The following MAGI3 variants were observed in gnomAD, a reference collection of about 807,000 sequenced individuals.
The protein encoded by MAGI3 is membrane-associated guanylate kinase, WW and PDZ domain-containing protein 3.
In MAGI3, 43 loss-of-function variants were observed where a neutral mutation model predicts 121.8. That is an observed-to-expected ratio of 0.35 (90% CI 0.28 to 0.46). MAGI3 has a LOEUF of 0.46. MAGI3 is among the 20% of genes least tolerant of loss of function. The pLI is 1.00. For missense variants in MAGI3, 1,547 were observed against 1,797.3 expected (o/e 0.86, Z 2.52); for synonymous variants, 553 against 639.3 (o/e 0.86, Z 2.04).
intron 6 of MAGI3, among the ~76,000 whole-genome samples, chr1:113,603,382 AG>A (rs1649528843): frequency 2.0e-5 from 3 of 152,084 alleles, no homozygotes; most frequent in Admixed American, 2.0e-4. Flanking sequence ...AACAACAAAA[AG>A]CCTGAGGCCA....
chr1:113,528,987 T>C (rs1319834158), intron 1 of MAGI3, among the ~76,000 whole-genome samples: 1 of 152,240 alleles, frequency 6.6e-6, no homozygotes, highest in African/African-American at 2.4e-5. Flanking sequence ...TTGTTTCTAC[T>C]TGTTTTCGGT....
chr1:113,442,551 ATG>A (rs1653968455), intron 1 of MAGI3, among the ~76,000 whole-genome samples: 1 of 151,994 alleles, frequency 6.6e-6, no homozygotes, highest in South Asian at 2.1e-4. Context: ...AAAAATATAT[ATG>A]TGTATATATA....
intron 2 of MAGI3, among the ~76,000 whole-genome samples, chr1:113,550,254 C>CAAAA (rs200738964): frequency 1.6e-4 from 22 of 136,936 alleles, no homozygotes; most frequent in African/African-American, 3.1e-4. Context: ...ACTAAAAATA[C>CAAAA]AAAAAAAAAA....
chr1:113,401,598 G>C lies in MAGI3; in HGVS notation c.316+10249G>C, dbSNP rs536877055. Among the ~76,000 whole-genome samples, 19 of 152,198 alleles carry C rather than the reference G, an allele frequency of 1.2e-4. 1 individual carries two copies. The East Asian group carries it at 3.7e-3, about 29-fold the overall frequency. On this transcript the variant is annotated intron_variant, in intron 1 of 20. Transcript: ENST00000307546. ...TAGGATAAATATACTTGGGAAAATT[G>C]CATATTAGAAATAATATTTTGTTCT...
intron 1 of MAGI3, among the ~76,000 whole-genome samples, chr1:113,487,386 A>G (rs1036934143): frequency 7.2e-5 from 11 of 152,224 alleles, no homozygotes; most frequent in African/African-American, 2.7e-4. Context: ...TGTGTATACA[A>G]TAATTTTAAC....
At chr1:113,419,781 G>A (rs1233873290) in intron 1 of MAGI3, among the ~76,000 whole-genome samples, 2 of 152,150 alleles carry the variant, frequency 1.3e-5, no homozygotes, top group African/African-American at 4.8e-5. Context: ...CAGTTCTGGA[G>A]GTCAGAGGTC....
intron 20 of MAGI3, chr1:113,682,533 C>A: frequency 8.0e-7 from 1 of 1,251,562 alleles, no homozygotes; most frequent in Non-Finnish European, 1.0e-6. Context: ...TAAACTGTAT[C>A]AATTCATAAT....
chr1:113,643,712 G>A, intron 10 of MAGI3, 31 bp from the exon 11 acceptor site: 1 of 1,610,978 alleles, frequency 6.2e-7, no homozygotes. Flanking sequence ...GCATCCTCTG[G>A]TTTTAAACTT....
intron 1 of MAGI3, among the ~76,000 whole-genome samples, chr1:113,516,857 T>C (rs1227662699): frequency 1.3e-5 from 2 of 152,018 alleles, no homozygotes; most frequent in Non-Finnish European, 2.9e-5. Flanking sequence ...AGTGTGTGTA[T>C]CCTTAACATG....
At position 113,391,356 on chromosome 1, in the gene MAGI3, C is replaced by T. The variant is rs1406141290; in HGVS notation, c.316+7C>T. The T allele has an allele frequency of 1.3e-6, 2 of 1,584,556 alleles. No homozygotes were observed. Among genetic ancestry groups the T allele is most frequent in the Admixed American group, 3.6e-5 (2 of 56,316 alleles). On this transcript the variant is annotated splice_region_variant and intron_variant, in intron 1 of 20. Coordinates refer to ENST00000307546, the MANE Select transcript of MAGI3 (RefSeq NM_001142782.2). The surrounding 1 kb of genome is among the most constrained non-coding windows in gnomAD (Gnocchi z 4.4). Reference sequence around the variant, plus strand: ...CTCAAGACTGTGAAACCAGGTACGCCGGCCCTGCGTATCTGTCTCGGGGTG... The same window carrying T: ...CTCAAGACTGTGAAACCAGGTACGCTGGCCCTGCGTATCTGTCTCGGGGTG...
chr1:113,443,956 G>A (rs1439967283), intron 1 of MAGI3, among the ~76,000 whole-genome samples: 1 of 152,160 alleles, frequency 6.6e-6, no homozygotes, highest in African/African-American at 2.4e-5. Context: ...AGACGGAGTG[G>A]GAAGCATCAG....
At chr1:113,429,271 A>G (rs1454649081) in intron 1 of MAGI3, among the ~76,000 whole-genome samples, 1 of 152,240 alleles carries the variant, frequency 6.6e-6, no homozygotes, top group African/African-American at 2.4e-5. Context: ...CCAAAGTGAT[A>G]TTGAGCTATT....
At chr1:113,556,893 T>G (rs553758016) in intron 2 of MAGI3, among the ~76,000 whole-genome samples, 2 of 152,322 alleles carry the variant, frequency 1.3e-5, no homozygotes, top group East Asian at 3.9e-4. Flanking sequence ...AATAACTTTA[T>G]GCCAATAAAC....
At chr1:113,536,362 C>G (rs1289703454) in intron 1 of MAGI3, among the ~76,000 whole-genome samples, 1 of 152,094 alleles carries the variant, frequency 6.6e-6, no homozygotes, top group Non-Finnish European at 1.5e-5. Flanking sequence ...TCATCTCCTC[C>G]TCCCTTCCAT....
chr1:113,586,208 A>G (rs1404068751), intron 4 of MAGI3, among the ~76,000 whole-genome samples: 1 of 152,232 alleles, frequency 6.6e-6, no homozygotes, highest in Non-Finnish European at 1.5e-5. Context: ...CTAGGAAACC[A>G]TAGAATCACA....
At position 113,682,909 on chromosome 1, in the gene MAGI3, T is replaced by A; in HGVS notation, c.3341T>A (p.Ile1114Asn). ...ATCACTTTTTTAGGTGATTGGGATATTAATAATCCTTCGTCTTCAAATGTG... is the reference window on the plus strand; with the variant it reads ...ATCACTTTTTTAGGTGATTGGGATAATAATAATCCTTCGTCTTCAAATGTG... ...GLIPDHGDWD[I>N]NNPSSSNVIY... The change falls in exon 21 of 21, where the codon ATT becomes AAT. Residue 1114 changes from isoleucine to asparagine, a missense_variant. Transcript: ENST00000307546. The A allele has an allele frequency of 6.3e-7, 1 of 1,578,050 alleles. No homozygotes were observed. The highest frequency in any genetic ancestry group is 8.6e-7 in the Non-Finnish European group (1 of 1,166,542).
At chr1:113,622,192 T>A (rs1045996627) in intron 8 of MAGI3, among the ~76,000 whole-genome samples, 14 of 152,192 alleles carry the variant, frequency 9.2e-5, no homozygotes, top group African/African-American at 3.4e-4. Flanking sequence ...ATTATAAACC[T>A]GCACAATTTG....
intron 1 of MAGI3, among the ~76,000 whole-genome samples, chr1:113,536,771 G>A (rs185269472): frequency 9.6e-4 from 146 of 151,986 alleles, no homozygotes; most frequent in Middle Eastern, 3.4e-3. Flanking sequence ...AATATTCTAA[G>A]GTTCAAATAT....
intron 6 of MAGI3, among the ~76,000 whole-genome samples, chr1:113,606,667 C>A (rs58394042): frequency 0.012 from 1,780 of 152,200 alleles, 29 homozygotes; most frequent in African/African-American, 0.041. Context: ...TTCAAATAAG[C>A]TTATTTAAAA....
Sources: allele counts gnomAD v4.1 joint callset (sites outside exome capture counted in the v4.1 genomes callset), GRCh38; gene constraint gnomAD v4.1.1; non-coding constraint Gnocchi (gnomAD v3.1); transcripts MANE v1.5; gene names NCBI Gene and HGNC (gene_info 2026-07-23, HGNC 2026-07-21).